KAZN: variants seen among roughly 807,000 people sequenced by gnomAD.
KAZN encodes the protein kazrin.
A neutral mutation model predicts 87.4 loss-of-function variants in KAZN; 40 were observed. That is an observed-to-expected ratio of 0.46 (90% CI 0.36 to 0.60). KAZN has a LOEUF of 0.60. KAZN is among the 20% of genes least tolerant of loss of function. KAZN has a pLI of 0.00. For synonymous variants in KAZN, 466 were observed against 458.3 expected (o/e 1.02, Z -0.22); for missense variants, 898 against 1,073.9 (o/e 0.84, Z 2.29).
intron 1 of KAZN, among the ~76,000 whole-genome samples, chr1:14,002,967 A>G (rs1277200049): frequency 6.6e-6 from 1 of 152,232 alleles, no homozygotes; most frequent in African/African-American, 2.4e-5. Flanking sequence ...GTGCCCATCA[A>G]TGATAGACTG....
chr1:14,077,152 G>GT, intron 1 of KAZN, among the ~76,000 whole-genome samples: 1 of 152,282 alleles, frequency 6.6e-6, no homozygotes, highest in East Asian at 1.9e-4. Context: ...CAGCCTCTGT[G>GT]TTACATGGGG....
intron 2 of KAZN, among the ~76,000 whole-genome samples, chr1:14,410,421 G>A (rs1664215427): frequency 6.6e-6 from 1 of 152,160 alleles, no homozygotes; most frequent in South Asian, 2.1e-4. Context: ...TTTAATAGGA[G>A]TTCCAGAACT....
chr1:14,545,227 C>T (rs1475158406), intron 2 of KAZN, among the ~76,000 whole-genome samples: 5 of 152,188 alleles, frequency 3.3e-5, no homozygotes, highest in African/African-American at 4.8e-5. Flanking sequence ...TCAATTTCCA[C>T]GGTGTTACTG....
intron 1 of KAZN, among the ~76,000 whole-genome samples, chr1:14,779,844 A>G (rs1645281230): frequency 6.6e-6 from 1 of 152,246 alleles, no homozygotes; most frequent in African/African-American, 2.4e-5. Flanking sequence ...CACGTAAACA[A>G]GACACAAAAA....
intron 1 of KAZN, among the ~76,000 whole-genome samples, chr1:14,747,422 A>G (rs2100468445): frequency 6.6e-6 from 1 of 152,264 alleles, no homozygotes; most frequent in South Asian, 2.1e-4. Flanking sequence ...GACTACAGGC[A>G]TGCACCACCA....
intron 2 of KAZN, among the ~76,000 whole-genome samples, chr1:14,571,564 C>T (rs182733474): frequency 2.0e-4 from 31 of 152,258 alleles, no homozygotes; most frequent in African/African-American, 7.0e-4. Context: ...GCTGTTTGAA[C>T]CTTGCAAGTG....
chr1:14,000,871 C>T (rs1639757253), intron 1 of KAZN, among the ~76,000 whole-genome samples: 1 of 151,654 alleles, frequency 6.6e-6, no homozygotes. Flanking sequence ...CAAGCTCCGC[C>T]TCCCGGGTTC....
chr1:15,036,997 C>T (rs1448182150), intron 3 of KAZN, among the ~76,000 whole-genome samples: 1 of 152,184 alleles, frequency 6.6e-6, no homozygotes, highest in African/African-American at 2.4e-5. Flanking sequence ...GGTCCAGAGC[C>T]TACGGGCCTT....
intron 1 of KAZN, among the ~76,000 whole-genome samples, chr1:14,854,880 T>A (rs569433035): frequency 6.6e-6 from 1 of 152,272 alleles, no homozygotes; most frequent in South Asian, 2.1e-4. Flanking sequence ...AGGCATTAGT[T>A]GCCAGCCGCT....
chr1:14,009,403 C>T (rs145436717), intron 1 of KAZN, among the ~76,000 whole-genome samples: 1,646 of 152,154 alleles, frequency 0.011, 39 homozygotes, highest in African/African-American at 0.038. Flanking sequence ...CCATAGTGGC[C>T]GTACCATTTC....
chr1:14,654,464 G>A (rs1638661793), intron 1 of KAZN, among the ~76,000 whole-genome samples: 1 of 152,070 alleles, frequency 6.6e-6, no homozygotes, highest in Non-Finnish European at 1.5e-5. Flanking sequence ...ATGCTCTGCT[G>A]TATCAGTCCT....
At chr1:14,550,340 A>C (rs1469440753) in intron 2 of KAZN, among the ~76,000 whole-genome samples, 7 of 152,226 alleles carry the variant, frequency 4.6e-5, no homozygotes, top group African/African-American at 1.7e-4. Flanking sequence ...CGGGGGAAAA[A>C]AAATTAGCCA....
intron 7 of KAZN, among the ~76,000 whole-genome samples, chr1:15,064,262 G>GTC (rs1221482323): frequency 7.2e-5 from 11 of 152,156 alleles, no homozygotes; most frequent in African/African-American, 2.4e-4. Context: ...CCACCTGTGG[G>GTC]TCTGCACACC....
chr1:14,314,175 T>C (rs1292635698), intron 2 of KAZN, among the ~76,000 whole-genome samples: 1 of 152,178 alleles, frequency 6.6e-6, no homozygotes, highest in Non-Finnish European at 1.5e-5. Flanking sequence ...CATAACTCTG[T>C]ATATGCCTGT....
At chr1:14,711,341 CA>C (rs544767393) in intron 1 of KAZN, among the ~76,000 whole-genome samples, 1,430 of 114,584 alleles carry the variant, frequency 0.012, 7 homozygotes, top group Middle Eastern at 0.068. Context: ...ACTCTGTTTC[CA>C]AAAAAAAAAA....
At chr1:14,876,273 A>C (rs1187711946) in intron 1 of KAZN, among the ~76,000 whole-genome samples, 1 of 152,192 alleles carries the variant, frequency 6.6e-6, no homozygotes, top group East Asian at 1.9e-4. Context: ...CCAATTTCCA[A>C]TCTTGTGGTA....
At chr1:14,009,441 A>G (rs1056942680) in intron 1 of KAZN, among the ~76,000 whole-genome samples, 1 of 152,220 alleles carries the variant, frequency 6.6e-6, no homozygotes, top group Non-Finnish European at 1.5e-5. Flanking sequence ...AACAGTGCAT[A>G]AAGATTCCAG....
intron 1 of KAZN, among the ~76,000 whole-genome samples, chr1:14,633,282 T>G (rs1679715376): frequency 6.6e-6 from 1 of 152,122 alleles, no homozygotes; most frequent in African/African-American, 2.4e-5. Context: ...TCCCCAAAAC[T>G]TTGTATGGCA....
At chr1:14,081,813 T>C (rs896069663) in intron 1 of KAZN, among the ~76,000 whole-genome samples, 1 of 152,144 alleles carries the variant, frequency 6.6e-6, no homozygotes, top group African/African-American at 2.4e-5. Context: ...AGTGCAGTGG[T>C]CCAATCAAGG....
Sources: gnomAD v4.1 joint callset for allele counts (sites outside exome capture counted in the v4.1 genomes callset) on GRCh38, gnomAD v4.1.1 for gene constraint, MANE v1.5 for transcripts, NCBI Gene and HGNC (gene_info 2026-07-23, HGNC 2026-07-21) for gene names.